LANCL2: variants seen among roughly 807,000 people sequenced by gnomAD.
LANCL2 encodes the protein LanC like glutathione S-transferase 2, also known as lanC-like protein 2.
A neutral mutation model predicts 56.9 loss-of-function variants in LANCL2; 33 were observed. That is an observed-to-expected ratio of 0.58 (90% CI 0.44 to 0.78). The LOEUF is 0.78. Ranked by LOEUF, LANCL2 falls within the 30% of genes least tolerant of loss-of-function variation. LANCL2 has a pLI of 0.00. For synonymous variants in LANCL2, 233 were observed against 228.2 expected, an observed-to-expected ratio of 1.02 and a Z score of -0.19; for missense variants, 562 against 580.2, an observed-to-expected ratio of 0.97 and a Z score of 0.32.
chr7:55,395,236 G>T (rs187885463), intron 2 of LANCL2, among the ~76,000 whole-genome samples: 1 of 152,058 alleles, frequency 6.6e-6, no homozygotes, highest in East Asian at 1.9e-4. Context: ...ATAATATAAA[G>T]AAGAAAAATA....
Position 55,431,335 on chromosome 7 carries a change from C to T in LANCL2, c.*15C>T, listed in dbSNP as rs1191731703. ...AGAGGGATTAAAAGGTGCAAAAAGA[C>T]AACTAAAATACCCATTTGGACCAAA... On this transcript the variant is annotated 3_prime_UTR_variant, in exon 9 of 9. Coordinates refer to ENST00000254770, the MANE Select transcript of LANCL2 (RefSeq NM_018697.4). 1 of 1,591,450 alleles carries T rather than the reference C, an allele frequency of 6.3e-7. No homozygotes were observed. Among genetic ancestry groups the T allele is most frequent in the Non-Finnish European group, 8.6e-7 (1 of 1,163,068 alleles).
Position 55,365,799 on chromosome 7 carries a change from G to C in LANCL2, c.-227G>C. The C allele has an allele frequency of 4.9e-6, 2 of 405,422 alleles. No individual in the cohort carries two copies. Among genetic ancestry groups the C allele is most frequent in the Non-Finnish European group, 8.8e-6 (2 of 228,318 alleles). The allele number at this position is 405,422 out of a possible 1,614,324, so 25.1% of individuals were successfully genotyped here. ...GTCGGGAGCAGGGCAAAGGCGCCAG[G>C]AACAGGGCAGAGGCACAGCGCCCAC... is the stretch of plus-strand genomic sequence containing the variant. On this transcript the variant is annotated 5_prime_UTR_variant, in exon 1 of 9. Coordinates refer to ENST00000254770, the MANE Select transcript of LANCL2 (RefSeq NM_018697.4).
chr7:55,406,312 T>G (rs1790406356), intron 5 of LANCL2, among the ~76,000 whole-genome samples: 1 of 152,174 alleles, frequency 6.6e-6, no homozygotes, highest in Non-Finnish European at 1.5e-5. Flanking sequence ...ATGTCCTTCA[T>G]AGGCTGGCCA....
chr7:55,411,955 AG>A lies in LANCL2; in HGVS notation c.875del (p.Ser292IlefsTer19). On this transcript the variant is annotated frameshift_variant, in exon 6 of 9. Coordinates refer to ENST00000254770, the MANE Select transcript of LANCL2 (RefSeq NM_018697.4). LOFTEE classifies it high-confidence loss of function. ...AACCTTGACAGAAATGGTGAAACCC[AG>A]TATTGATTATGTGCGCCACAAAAAA... ...QETLTEMVKP[S>X]IDYVRHKKFR... The A allele has an allele frequency of 6.2e-7, 1 of 1,614,238 alleles. No individual in the cohort carries two copies. Among genetic ancestry groups the A allele is most frequent in the Non-Finnish European group, 8.5e-7 (1 of 1,180,036 alleles).
intron 3 of LANCL2, 114 bp downstream of exon 3, chr7:55,398,744 A>C: frequency 1.3e-6 from 1 of 793,812 alleles, no homozygotes; most frequent in Non-Finnish European, 2.1e-6. Context: ...TAAACAGATC[A>C]CTCCAAAATG....
At chr7:55,388,287 T>TGTA (rs1790147809) in intron 1 of LANCL2, among the ~76,000 whole-genome samples, 3 of 152,234 alleles carry the variant, frequency 2.0e-5, no homozygotes, top group Non-Finnish European at 4.4e-5. Flanking sequence ...GGCTCACATC[T>TGTA]GTAATCCCAG....
chr7:55,423,690 C>T (rs1370203928), intron 6 of LANCL2, among the ~76,000 whole-genome samples: 1 of 152,182 alleles, frequency 6.6e-6, no homozygotes, highest in Non-Finnish European at 1.5e-5. Context: ...TTTTAATCTT[C>T]ATAGCAAGCC....
chr7:55,378,080 CTG>C (rs1790023275), intron 1 of LANCL2, among the ~76,000 whole-genome samples: 1 of 152,238 alleles, frequency 6.6e-6, no homozygotes, highest in African/African-American at 2.4e-5. Flanking sequence ...ACCTAAAAAA[CTG>C]AATGATGTGA....
chr7:55,402,566 A>C (rs1373010489), intron 5 of LANCL2, among the ~76,000 whole-genome samples: 9 of 100,572 alleles, frequency 8.9e-5, no homozygotes, highest in East Asian at 6.4e-4. Flanking sequence ...ACCCCCCCAC[A>C]TCCTTCCCGG....
intron 5 of LANCL2, among the ~76,000 whole-genome samples, chr7:55,409,086 T>G (rs148631679): frequency 0.011 from 1,681 of 151,958 alleles, 15 homozygotes; most frequent in East Asian, 0.027. Flanking sequence ...TGGAAATGAT[T>G]TCCAAGTTTT....
At chr7:55,403,057 A>G (rs1394701217) in intron 5 of LANCL2, among the ~76,000 whole-genome samples, 2 of 152,096 alleles carry the variant, frequency 1.3e-5, no homozygotes, top group African/African-American at 4.8e-5. Flanking sequence ...CAGAGGCTGC[A>G]ATCTCGGCAC....
At chr7:55,366,799 T>C (rs1305205101) in intron 1 of LANCL2, among the ~76,000 whole-genome samples, 1 of 152,158 alleles carries the variant, frequency 6.6e-6, no homozygotes, top group African/African-American at 2.4e-5. Flanking sequence ...ATACATCTCT[T>C]GAATATGTTT....
chr7:55,405,847 C>T (rs1790400086), intron 5 of LANCL2, among the ~76,000 whole-genome samples: 1 of 152,132 alleles, frequency 6.6e-6, no homozygotes, highest in Non-Finnish European at 1.5e-5. Context: ...AAGTACTTGA[C>T]TTAGAGATTG....
rs899250710 is a variant in LANCL2, at chr7:55,418,660, G to A, written c.1008+6571G>A. Among the ~76,000 whole-genome samples the A allele has an allele frequency of 2.6e-5, 4 of 152,118 alleles. No homozygotes were observed. The East Asian group carries it at 7.7e-4, about 29-fold the overall frequency. On this transcript the variant is annotated intron_variant, in intron 6 of 8. Coordinates refer to ENST00000254770, the MANE Select transcript of LANCL2 (RefSeq NM_018697.4). ...ACCTCTTTTATTACATTGGTTAGGA[G>A]CTATAGTATAATATTGAATAGAAGT...
chr7:55,395,772 A>T (rs1790244529), intron 2 of LANCL2, among the ~76,000 whole-genome samples: 1 of 152,256 alleles, frequency 6.6e-6, no homozygotes, highest in Admixed American at 6.5e-5. Flanking sequence ...TCACAGGGGC[A>T]AACTGCTCCA....
At chr7:55,415,621 C>CTTTTTTTTTTTTTTTTTTTTTTTTTTTT (rs71031852) in intron 6 of LANCL2, among the ~76,000 whole-genome samples, 7 of 111,764 alleles carry the variant, frequency 6.3e-5, no homozygotes, top group African/African-American at 1.3e-4. Flanking sequence ...GTTTTTCTTT[C>CTTTTTTTTTTTTTTTTTTTTTTTTTTTT]TTTTTTTTGA....
intron 6 of LANCL2, among the ~76,000 whole-genome samples, chr7:55,415,780 A>T (rs1308828064): frequency 6.6e-6 from 1 of 151,440 alleles, no homozygotes; most frequent in East Asian, 1.9e-4. Flanking sequence ...TGCCTGGCTA[A>T]TTTTTTGTAT....
intron 6 of LANCL2, among the ~76,000 whole-genome samples, chr7:55,419,400 CTT>C (rs1156534780): frequency 5.5e-5 from 6 of 109,076 alleles, no homozygotes; most frequent in Non-Finnish European, 7.6e-5. Flanking sequence ...TGTTCTTTTC[CTT>C]TTTTTTTTTT....
At chr7:55,378,353 G>A (rs1467862211) in intron 1 of LANCL2, among the ~76,000 whole-genome samples, 2 of 151,948 alleles carry the variant, frequency 1.3e-5, no homozygotes, top group African/African-American at 4.8e-5. Context: ...CTAGCTACCC[G>A]GGAGGCTGAG....
Sources: gnomAD v4.1 joint callset for allele counts (sites outside exome capture counted in the v4.1 genomes callset) on GRCh38, gnomAD v4.1.1 for gene constraint, MANE v1.5 for transcripts, NCBI Gene and HGNC (gene_info 2026-07-23, HGNC 2026-07-21) for gene names.